SYT1: variants seen among roughly 807,000 people sequenced by gnomAD.
The protein encoded by SYT1 is synaptotagmin 1.
In SYT1, 8 loss-of-function variants were observed where a neutral mutation model predicts 44.8. The ratio of observed to expected loss-of-function variants is 0.18; its 90% CI spans 0.10 to 0.32. The LOEUF (loss-of-function observed/expected upper bound fraction) is 0.32. Among genes scored for constraint, SYT1 ranks in the 10% least tolerant of loss-of-function variants. The pLI is 1.00. For missense variants in SYT1, 286 were observed against 509.3 expected (o/e 0.56, Z 4.22); for synonymous variants, 154 against 188.8 (o/e 0.82, Z 1.51).
At chr12:79,085,159 A>G (rs1434601702) in intron 3 of SYT1, among the ~76,000 whole-genome samples, 3 of 152,270 alleles carry the variant, frequency 2.0e-5, no homozygotes, top group Non-Finnish European at 4.4e-5. Flanking sequence ...CATCACCATC[A>G]TTCCTGACTC....
chr12:79,403,194 A>G (rs1239834149), intron 9 of SYT1, among the ~76,000 whole-genome samples: 1 of 152,206 alleles, frequency 6.6e-6, no homozygotes, highest in Non-Finnish European at 1.5e-5. Flanking sequence ...CAAAACCCAG[A>G]TGGGAATAAG....
chr12:78,999,393 T>G (rs1223619703), intron 2 of SYT1, among the ~76,000 whole-genome samples: 1 of 152,238 alleles, frequency 6.6e-6, no homozygotes, highest in Admixed American at 6.5e-5. Flanking sequence ...CGTATTTTTC[T>G]ATTTTTTGTC....
intron 2 of SYT1, among the ~76,000 whole-genome samples, chr12:78,993,515 A>G (rs1592641812): frequency 6.6e-6 from 1 of 152,332 alleles, no homozygotes; most frequent in East Asian, 1.9e-4. Flanking sequence ...AAATTCTGCT[A>G]TTCTACTGGG....
intron 1 of SYT1, among the ~76,000 whole-genome samples, chr12:78,928,351 A>G (rs61929211): frequency 0.086 from 13,070 of 152,198 alleles, 651 homozygotes; most frequent in East Asian, 0.18. Flanking sequence ...CACTCTAGCC[A>G]TAACTTTTAT....
chr12:79,040,503 A>G (rs1188523993), intron 2 of SYT1, among the ~76,000 whole-genome samples: 1 of 151,936 alleles, frequency 6.6e-6, no homozygotes, highest in Non-Finnish European at 1.5e-5. Context: ...GTTTGAGTTC[A>G]TTGTAGATTC....
At chr12:79,389,676 T>C (rs1027860940) in intron 9 of SYT1, among the ~76,000 whole-genome samples, 5 of 152,184 alleles carry the variant, frequency 3.3e-5, no homozygotes, top group South Asian at 4.1e-4. Context: ...TATATTCAGG[T>C]TTCTTTGGCT....
At chr12:79,047,251 A>G (rs559113411) in intron 2 of SYT1, 46 bp from the exon 3 acceptor site, 1 of 151,832 alleles carries the variant, frequency 6.6e-6, no homozygotes, top group African/African-American at 2.4e-5. Context: ...ATGATTCTGA[A>G]CTATGTGTAG....
chr12:79,173,711 GT>G (rs1463756467), intron 3 of SYT1, among the ~76,000 whole-genome samples: 1 of 152,036 alleles, frequency 6.6e-6, no homozygotes, highest in African/African-American at 2.4e-5. Flanking sequence ...AAGGAGCCTT[GT>G]AAAACGTCCA....
intron 4 of SYT1, among the ~76,000 whole-genome samples, chr12:79,274,889 A>G (rs931870401): frequency 6.6e-6 from 1 of 152,200 alleles, no homozygotes; most frequent in African/African-American, 2.4e-5. Flanking sequence ...AACCAAGGAA[A>G]TCTTAGAGAG....
At chr12:79,389,122 G>A (rs1884554661) in intron 9 of SYT1, among the ~76,000 whole-genome samples, 1 of 152,124 alleles carries the variant, frequency 6.6e-6, no homozygotes, top group Admixed American at 6.6e-5. Context: ...GTAATCAGTT[G>A]TTCTCATTCA....
At chr12:79,020,867 A>C (rs1872147413) in intron 2 of SYT1, among the ~76,000 whole-genome samples, 1 of 151,960 alleles carries the variant, frequency 6.6e-6, no homozygotes. Flanking sequence ...GTAAAAACAC[A>C]GTGTGATGAT....
At chr12:79,265,972 A>G (rs1245232395) in intron 4 of SYT1, among the ~76,000 whole-genome samples, 1 of 152,226 alleles carries the variant, frequency 6.6e-6, no homozygotes. Flanking sequence ...CAGAATAAAG[A>G]GTAATGAACA....
intron 4 of SYT1, among the ~76,000 whole-genome samples, chr12:79,230,967 T>C (rs1225227995): frequency 6.6e-6 from 1 of 152,182 alleles, no homozygotes; most frequent in Non-Finnish European, 1.5e-5. Flanking sequence ...TATTTTGTTT[T>C]TACCACGTAG....
rs541806361 is a variant in SYT1 at position 79,343,406 on chromosome 12, C to G, written c.811-10096C>G. ...TACATTTTGTGAGCCAGGAACTCTT[C>G]TAACTCCTTTTTTACATACTAACTG... is the stretch of plus-strand genomic sequence containing the variant. On this transcript the variant is annotated intron_variant, in intron 8 of 10. Transcript: ENST00000261205. Among the ~76,000 whole-genome samples, 10 of 152,318 alleles carry G rather than the reference C, an allele frequency of 6.6e-5. No homozygotes were observed. In the South Asian group the frequency reaches 2.1e-3, roughly 32 times the overall value.
At chr12:79,403,841 T>A (rs1212640532) in intron 9 of SYT1, among the ~76,000 whole-genome samples, 1 of 152,096 alleles carries the variant, frequency 6.6e-6, no homozygotes, top group Non-Finnish European at 1.5e-5. Flanking sequence ...GCCCAGGAAT[T>A]TGTGAATAAA....
chr12:79,416,946 A>C (rs1012513405), intron 9 of SYT1, among the ~76,000 whole-genome samples: 3 of 152,166 alleles, frequency 2.0e-5, no homozygotes, highest in African/African-American at 7.2e-5. Flanking sequence ...AATAGCAAAA[A>C]TACAACGAAA....
At chr12:79,341,364 A>G (rs1384497489) in intron 8 of SYT1, 2 of 152,200 alleles carry the variant, frequency 1.3e-5, no homozygotes, top group African/African-American at 4.8e-5. Flanking sequence ...AACCTCTGCC[A>G]TCTTCAGCAT....
intron 2 of SYT1, among the ~76,000 whole-genome samples, chr12:78,986,608 G>A (rs1026341120): frequency 1.3e-5 from 2 of 151,694 alleles, no homozygotes; most frequent in Non-Finnish European, 1.5e-5. Context: ...AATGAAAATC[G>A]CATTTCTCCT....
chr12:79,439,668 G>T (rs1382225416), intron 9 of SYT1, among the ~76,000 whole-genome samples: 2 of 152,078 alleles, frequency 1.3e-5, no homozygotes, highest in African/African-American at 2.4e-5. Context: ...TTTCCATGTG[G>T]TAACTCAATT....
Sources: allele counts gnomAD v4.1 joint callset (sites outside exome capture counted in the v4.1 genomes callset), GRCh38; gene constraint gnomAD v4.1.1; transcripts MANE v1.5; gene names NCBI Gene and HGNC (gene_info 2026-07-23, HGNC 2026-07-21).